MAPK10: variants seen among roughly 807,000 people sequenced by gnomAD.
MAPK10 encodes JNK3 alpha protein kinase.
In MAPK10, 25 loss-of-function variants were observed where a neutral mutation model predicts 59.3. The observed-to-expected ratio is 0.42, with a 90% CI of 0.31 to 0.59. MAPK10 has a LOEUF of 0.59. MAPK10 is among the 20% of genes least tolerant of loss of function. MAPK10 has a pLI of 0.15. For missense variants in MAPK10, 351 were observed against 568.9 expected (o/e 0.62, Z 3.90); for synonymous variants, 190 against 200.5 (o/e 0.95, Z 0.44).
intron 4 of MAPK10, among the ~76,000 whole-genome samples, chr4:86,108,387 C>A (rs1414857988): frequency 6.6e-6 from 1 of 152,014 alleles, no homozygotes; most frequent in Non-Finnish European, 1.5e-5. Flanking sequence ...TCTTAGTTGT[C>A]AGGAGGAAAT....
intron 13 of MAPK10, among the ~76,000 whole-genome samples, chr4:86,019,631 A>T (rs1041238980): frequency 6.6e-6 from 1 of 152,132 alleles, no homozygotes; most frequent in Non-Finnish European, 1.5e-5. Flanking sequence ...ATTAAATTAT[A>T]CCAATATCCT....
intron 1 of MAPK10, among the ~76,000 whole-genome samples, chr4:86,510,608 T>C (rs1371060414): frequency 6.6e-6 from 1 of 151,930 alleles, no homozygotes; most frequent in Non-Finnish European, 1.5e-5. Flanking sequence ...TGTATATAAA[T>C]ATACATGAAT....
At chr4:86,120,997 T>C (rs1347550229) in intron 4 of MAPK10, among the ~76,000 whole-genome samples, 2 of 152,234 alleles carry the variant, frequency 1.3e-5, no homozygotes, top group Admixed American at 6.5e-5. Context: ...AAGTACTATA[T>C]ACTAAATTTC....
chr4:86,545,641 G>C (rs2149097080), intron 1 of MAPK10, among the ~76,000 whole-genome samples: 1 of 152,288 alleles, frequency 6.6e-6, no homozygotes, highest in Non-Finnish European at 1.5e-5. Context: ...ATCGGGGAGA[G>C]GGGCTGAGAG....
intron 2 of MAPK10, among the ~76,000 whole-genome samples, chr4:86,286,955 C>T (rs2095037711): frequency 6.6e-6 from 1 of 152,162 alleles, no homozygotes; most frequent in Admixed American, 6.5e-5. Flanking sequence ...TGGGAAAATG[C>T]TGGCACCGTT....
chr4:86,339,123 A>G (rs112857254), intron 2 of MAPK10, among the ~76,000 whole-genome samples: 149 of 152,298 alleles, frequency 9.8e-4, no homozygotes, highest in African/African-American at 3.4e-3. Flanking sequence ...GTGTATCGGC[A>G]GGGCTGCAGT....
chr4:86,189,091 C>A (rs1392125582), intron 3 of MAPK10, among the ~76,000 whole-genome samples: 2 of 152,074 alleles, frequency 1.3e-5, no homozygotes, highest in Non-Finnish European at 2.9e-5. Flanking sequence ...CTGTTCTGTT[C>A]CATTGGTCTA....
chr4:86,483,254 G>A (rs921669582), intron 1 of MAPK10, among the ~76,000 whole-genome samples: 1 of 152,018 alleles, frequency 6.6e-6, no homozygotes, highest in East Asian at 1.9e-4. Context: ...AATCCTCACC[G>A]ATTCTTCTCA....
intron 1 of MAPK10, among the ~76,000 whole-genome samples, chr4:86,532,427 A>G (rs1251691695): frequency 1.3e-5 from 2 of 152,200 alleles, no homozygotes; most frequent in Non-Finnish European, 2.9e-5. Flanking sequence ...TTATTTGCCA[A>G]TAACTGGCTT....
chr4:86,590,979 C>T (rs1211184152), intron 1 of MAPK10, among the ~76,000 whole-genome samples: 1 of 152,058 alleles, frequency 6.6e-6, no homozygotes, highest in East Asian at 1.9e-4. Context: ...TGCTGTGTTG[C>T]CCAAGCTAGC....
intron 1 of MAPK10, among the ~76,000 whole-genome samples, chr4:86,394,339 AAT>A (rs1290585703): frequency 1.3e-5 from 2 of 152,156 alleles, no homozygotes; most frequent in African/African-American, 4.8e-5. Context: ...AGCAAATAAA[AAT>A]ATGTCATACT....
chr4:86,016,973 T>G lies in MAPK10; in HGVS notation c.*255A>C, dbSNP rs981835974. 6 of 366,864 alleles carry G rather than the reference T, an allele frequency of 1.6e-5. No individual in the cohort carries two copies. Among genetic ancestry groups the G allele is most frequent in the Non-Finnish European group, 5.0e-6 (1 of 199,558 alleles). 22.7% of individuals were successfully genotyped at this position (366,864 alleles called of 1,614,324 possible). ...CTCTAATTGTGTCTGATTTGCTTTC[T>G]GTAGTAAGCATCATTGGAAGAAGAC... On this transcript the variant is annotated 3_prime_UTR_variant, in exon 14 of 14. Transcript: ENST00000641462.
chr4:86,463,960 A>G (rs958474807), intron 1 of MAPK10, among the ~76,000 whole-genome samples: 1 of 152,234 alleles, frequency 6.6e-6, no homozygotes, highest in Non-Finnish European at 1.5e-5. Flanking sequence ...GATCTTGTAG[A>G]GTGGCTTTTT....
intron 3 of MAPK10, among the ~76,000 whole-genome samples, chr4:86,161,111 A>G (rs2069479410): frequency 6.6e-6 from 1 of 152,034 alleles, no homozygotes; most frequent in Admixed American, 6.6e-5. Flanking sequence ...CCAACCTAAG[A>G]TTGCATCGGA....
chr4:86,123,573 A>C (rs1214534309), intron 4 of MAPK10: 2 of 152,078 alleles, frequency 1.3e-5, no homozygotes, highest in African/African-American at 4.8e-5. Context: ...AAGTGACATA[A>C]CCAAGTGTCA....
intron 3 of MAPK10, among the ~76,000 whole-genome samples, chr4:86,184,594 G>T (rs902735430): frequency 3.3e-5 from 5 of 152,126 alleles, no homozygotes; most frequent in African/African-American, 1.2e-4. Context: ...AGGTGTTTGG[G>T]TCATGGAGAT....
At chr4:86,264,907 TTTTG>T (rs1655080033) in intron 2 of MAPK10, among the ~76,000 whole-genome samples, 2 of 148,620 alleles carry the variant, frequency 1.3e-5, no homozygotes, top group Admixed American at 6.7e-5. Context: ...TTTTTTTTTT[TTTTG>T]TGGTGGGGTC....
chr4:86,544,316 G>T (rs1758971641), intron 1 of MAPK10, among the ~76,000 whole-genome samples: 2 of 152,288 alleles, frequency 1.3e-5, no homozygotes, highest in South Asian at 2.1e-4. Flanking sequence ...AAACAAAAAG[G>T]CATCGACATG....
chr4:86,519,228 T>G (rs1756933035), intron 1 of MAPK10, among the ~76,000 whole-genome samples: 1 of 152,248 alleles, frequency 6.6e-6, no homozygotes, highest in Non-Finnish European at 1.5e-5. Flanking sequence ...AGTCCTCCAC[T>G]ATTATTGTGT....
Sources: allele counts gnomAD v4.1 joint callset (sites outside exome capture counted in the v4.1 genomes callset), GRCh38; gene constraint gnomAD v4.1.1; transcripts MANE v1.5; gene names NCBI Gene and HGNC (gene_info 2026-07-23, HGNC 2026-07-21).